CD109: variants seen among roughly 807,000 people sequenced by gnomAD.
The protein encoded by CD109 is CD109 antigen.
CD109 carries 149 observed loss-of-function variants against 165.8 expected under a neutral mutation model. The ratio of observed to expected loss-of-function variants is 0.90; its 90% CI spans 0.79 to 1.03. The LOEUF is 1.03. Among genes scored for constraint, CD109 ranks in the 50% least tolerant of loss-of-function variants. The pLI, the probability that CD109 is intolerant of heterozygous loss-of-function variation, is 0.00. For synonymous variants in CD109, 585 were observed against 592.1 expected, an observed-to-expected ratio of 0.99 and a Z score of 0.18; for missense variants, 1,712 against 1,677.8, an observed-to-expected ratio of 1.02 and a Z score of -0.36.
chr6:73,759,298 T>G (rs1462640796), intron 7 of CD109, among the ~76,000 whole-genome samples: 1 of 150,334 alleles, frequency 6.7e-6, no homozygotes, highest in African/African-American at 2.4e-5. Flanking sequence ...GATAGCACTG[T>G]TTTTTTTTCA....
intron 8 of CD109, 116 bp downstream of exon 8, chr6:73,762,596 C>T (rs1773677248): frequency 1.1e-6 from 1 of 950,546 alleles, no homozygotes; most frequent in Non-Finnish European, 1.6e-6. Context: ...AAGAGCTTTC[C>T]AGCATTGAAC....
the CD109 span, among the ~76,000 whole-genome samples, chr6:73,683,037 C>T: frequency 2.0e-5 from 3 of 152,240 alleles, no homozygotes; most frequent in Admixed American, 1.3e-4. Flanking sequence ...AGTTCTCTGA[C>T]ATGCCCTGGA....
At position 73,722,651 on chromosome 6, in the gene CD109, A is replaced by G. The variant is rs143972540; in HGVS notation, c.248-600A>G. On this transcript the variant is annotated intron_variant, in intron 2 of 32. Coordinates refer to ENST00000287097, the MANE Select transcript of CD109 (RefSeq NM_133493.5). ...TTCCCAAGGGCCTGCCATCTTCGATAGGAACTTTGGACAAGTTCTCTTTTA... is the reference window on the plus strand; with the variant it reads ...TTCCCAAGGGCCTGCCATCTTCGATGGGAACTTTGGACAAGTTCTCTTTTA... Among the ~76,000 whole-genome samples, 368 of 152,352 alleles carry G rather than the reference A, an allele frequency of 2.4e-3. 2 individuals carry two copies. The highest frequency in any genetic ancestry group is 8.6e-3 in the African/African-American group (359 of 41,586).
At chr6:73,758,110 G>C (rs1480317031) in intron 6 of CD109, among the ~76,000 whole-genome samples, 2 of 152,116 alleles carry the variant, frequency 1.3e-5, no homozygotes, top group Non-Finnish European at 2.9e-5. Context: ...GTCCTAGACT[G>C]ATCTAGAGTC....
upstream of CD109, chr6:73,694,596 C>T (rs2150139638): frequency 6.6e-6 from 1 of 152,330 alleles, no homozygotes; most frequent in East Asian, 1.9e-4. Flanking sequence ...TGCCTTTGCT[C>T]ATCAAATTGC....
intron 30 of CD109, among the ~76,000 whole-genome samples, chr6:73,817,872 G>A (rs1433196750): frequency 6.6e-6 from 1 of 152,154 alleles, no homozygotes; most frequent in African/African-American, 2.4e-5. Flanking sequence ...GGAGAACAAA[G>A]GGATGGCTTC....
rs1774650577 is a variant in CD109, at chr6:73,785,426, A to C, written c.2286A>C (p.Glu762Asp). 6.2e-7 allele frequency: 1 copy of C among 1,607,978 alleles called. No homozygotes were observed. The change falls in exon 20 of 33, where the codon GAA becomes GAC. Residue 762 changes from glutamate to aspartate, a missense_variant. By Grantham distance (45) the Glu-to-Asp change is conservative. Transcript: ENST00000287097. ...LNLPYSVIRG[E>D]EFALEITIFN... ...TTCCCTACTCTGTTATCAGAGGTGA[A>C]GAATTTGCTTTGGAAATAACTATAT... is the stretch of plus-strand genomic sequence containing the variant.
chr6:73,726,305 A>G (rs1342672590), intron 3 of CD109, among the ~76,000 whole-genome samples: 1 of 152,232 alleles, frequency 6.6e-6, no homozygotes, highest in East Asian at 1.9e-4. Flanking sequence ...TATGAAGTAA[A>G]TAAAAAACAT....
At chr6:73,799,858 A>G (rs1377467432) in intron 23 of CD109, among the ~76,000 whole-genome samples, 2 of 142,498 alleles carry the variant, frequency 1.4e-5, no homozygotes, top group African/African-American at 2.6e-5. Context: ...TCCCCCCGCA[A>G]TTTTTTTTTT....
intron 5 of CD109, among the ~76,000 whole-genome samples, chr6:73,750,113 A>G (rs1389568816): frequency 6.6e-6 from 1 of 152,238 alleles, no homozygotes; most frequent in African/African-American, 2.4e-5. Flanking sequence ...GATGAATTCA[A>G]GAGACACTTA....
At chr6:73,711,427 A>G (rs1390291236) in intron 2 of CD109, among the ~76,000 whole-genome samples, 1 of 152,178 alleles carries the variant, frequency 6.6e-6, no homozygotes, top group Non-Finnish European at 1.5e-5. Flanking sequence ...TTCTGCTCAG[A>G]ATACTTGTGT....
chr6:73,710,654 A>T (rs1582042898), intron 2 of CD109, among the ~76,000 whole-genome samples: 1 of 152,140 alleles, frequency 6.6e-6, no homozygotes. Context: ...CTGATGCCTG[A>T]CCACAAGCCT....
chr6:73,761,024 C>T (rs1290883179), intron 7 of CD109, among the ~76,000 whole-genome samples: 1 of 92,046 alleles, frequency 1.1e-5, no homozygotes, highest in Non-Finnish European at 2.6e-5. Context: ...AACACACACA[C>T]ACACACACAC....
At chr6:73,679,929 C>T in the CD109 span, among the ~76,000 whole-genome samples, 260 of 152,200 alleles carry the variant, frequency 1.7e-3, no homozygotes, top group Middle Eastern at 0.014. Context: ...GTGACTACAC[C>T]CGGGTATAGA....
chr6:73,787,045 G>C (rs975151899), intron 20 of CD109, among the ~76,000 whole-genome samples, 189 bp from the exon 21 acceptor site: 1 of 152,164 alleles, frequency 6.6e-6, no homozygotes, highest in African/African-American at 2.4e-5. Flanking sequence ...TTGAGGTTGA[G>C]GGGAAAGCAT....
intron 2 of CD109, among the ~76,000 whole-genome samples, chr6:73,705,628 G>T (rs1198407294): frequency 7.6e-6 from 1 of 131,194 alleles, no homozygotes; most frequent in Non-Finnish European, 1.6e-5. Context: ...TCAAGAAAAA[G>T]AAAAGAAAAG....
chr6:73,705,896 C>A (rs1216136548), intron 2 of CD109, among the ~76,000 whole-genome samples: 1 of 152,078 alleles, frequency 6.6e-6, no homozygotes, highest in Non-Finnish European at 1.5e-5. Flanking sequence ...AAAATTTATT[C>A]TTTCCAGAAG....
intron 9 of CD109, 50 bp downstream of exon 9, chr6:73,762,932 A>G: frequency 6.7e-7 from 1 of 1,482,588 alleles, no homozygotes; most frequent in Non-Finnish European, 9.1e-7. Context: ...ACACTGCTTT[A>G]TCATCTTTCT....
chr6:73,763,445 A>T (rs941333773), intron 9 of CD109, 131 bp from the exon 10 acceptor site: 8 of 536,992 alleles, frequency 1.5e-5, no homozygotes, highest in African/African-American at 5.7e-5. Context: ...CAAAGTCAAT[A>T]TGGGAATGAG....
Sources: gnomAD v4.1 joint callset for allele counts (sites outside exome capture counted in the v4.1 genomes callset) on GRCh38, gnomAD v4.1.1 for gene constraint, MANE v1.5 for transcripts, NCBI Gene and HGNC (gene_info 2026-07-23, HGNC 2026-07-21) for gene names.